MYCBP2: variants seen among roughly 807,000 people sequenced by gnomAD.
MYCBP2 encodes MYC binding protein 2.
A neutral mutation model predicts 525.3 loss-of-function variants in MYCBP2; 120 were observed. The ratio of observed to expected loss-of-function variants is 0.23; its 90% CI spans 0.20 to 0.27. The LOEUF (loss-of-function observed/expected upper bound fraction) is 0.27, where lower values mean the gene tolerates loss of function less well. MYCBP2 is among the 10% of genes least tolerant of loss of function. The pLI is 1.00. For missense variants in MYCBP2, 4,149 were observed against 5,657.1 expected (o/e 0.73, Z 8.55); for synonymous variants, 1,894 against 1,955.8 (o/e 0.97, Z 0.83).
At chr13:77,302,988 A>G (rs1326633793) in intron 1 of MYCBP2, among the ~76,000 whole-genome samples, 1 of 152,236 alleles carries the variant, frequency 6.6e-6, no homozygotes, top group Non-Finnish European at 1.5e-5. Flanking sequence ...ACCTCTCTGT[A>G]ACTGATAGAA....
At chr13:77,056,704 C>G (rs918628246) in intron 79 of MYCBP2, among the ~76,000 whole-genome samples, 1 of 152,144 alleles carries the variant, frequency 6.6e-6, no homozygotes, top group Admixed American at 6.6e-5. Context: ...CTCTAGTGGT[C>G]TGAGAGTAGA....
Position 77,206,703 on chromosome 13 carries a change from G to A in MYCBP2, c.3539C>T (p.Thr1180Ile), listed in dbSNP as rs781176533. The A allele has an allele frequency of 3.7e-6, 6 of 1,610,806 alleles. No individual in the cohort carries two copies. Among genetic ancestry groups the A allele is most frequent in the African/African-American group, 1.3e-5 (1 of 74,858 alleles). ...SILSPELALP[T>I]GSRALTTRSH... ...TCGGGTAGTGAGGGCCCTTGATCCT[G>A]TTGGTAAGGCAAGTTCAGGACTTAG... is the stretch of plus-strand genomic sequence containing the variant. The change falls in exon 24 of 83, where the codon ACA becomes ATA. Residue 1180 changes from threonine to isoleucine, a missense_variant. Coordinates refer to ENST00000544440, the MANE Select transcript of MYCBP2 (RefSeq NM_015057.5).
intron 8 of MYCBP2, 72 bp downstream of exon 8, chr13:77,267,769 T>C (rs1040170206): frequency 1.7e-6 from 2 of 1,152,846 alleles, no homozygotes; most frequent in South Asian, 1.3e-5. Context: ...TCATTCTTTA[T>C]GTGTCTAAAT....
intron 78 of MYCBP2, among the ~76,000 whole-genome samples, chr13:77,057,882 G>C (rs1352137365): frequency 7.2e-6 from 1 of 139,462 alleles, no homozygotes; most frequent in Non-Finnish European, 1.5e-5. Context: ...TCTGTCACCA[G>C]GCTGCAGTGC....
At chr13:77,083,966 A>G (rs1393081555) in intron 62 of MYCBP2, among the ~76,000 whole-genome samples, 3 of 152,160 alleles carry the variant, frequency 2.0e-5, no homozygotes, top group African/African-American at 7.2e-5. Flanking sequence ...GTGTTCTTTT[A>G]ACAATAATTT....
intron 26 of MYCBP2, among the ~76,000 whole-genome samples, chr13:77,199,695 G>C (rs1411253041): frequency 6.6e-6 from 1 of 152,198 alleles, no homozygotes. Flanking sequence ...CTGGAGATCT[G>C]AGAAAGGGCA....
rs111710729 is a variant in MYCBP2, at chr13:77,072,419, G to C, written c.11824-1708C>G. On this transcript the variant is annotated intron_variant, in intron 68 of 82. Transcript: ENST00000544440. Reference sequence around the variant, plus strand: ...TGAAATGCAGCTAATGTAGTGCTTAGAAGAAAATAATAGCATTAAATACTT... The same window carrying C: ...TGAAATGCAGCTAATGTAGTGCTTACAAGAAAATAATAGCATTAAATACTT... Among the ~76,000 whole-genome samples the C allele has an allele frequency of 2.0e-3, 310 of 151,784 alleles. 2 individuals are homozygous for C. The highest frequency in any genetic ancestry group is 5.5e-3 in the African/African-American group (226 of 41,446).
rs2051565300 is a variant in MYCBP2 at position 77,125,866 on chromosome 13, T to C, written c.7885-398A>G. On this transcript the variant is annotated intron_variant, in intron 53 of 82. Transcript: ENST00000544440. Reference sequence around the variant, plus strand: ...CTTACTGAGAAATAGCATGACACACTACATCTTCAAGCTTATCAGCTGAGG... The same window carrying C: ...CTTACTGAGAAATAGCATGACACACCACATCTTCAAGCTTATCAGCTGAGG... Among the ~76,000 whole-genome samples the C allele has an allele frequency of 3.3e-5, 5 of 152,280 alleles. No homozygotes were observed. The South Asian group carries it at 8.3e-4, about 25-fold the overall frequency.
At chr13:77,162,899 C>A (rs775482332) in intron 43 of MYCBP2, among the ~76,000 whole-genome samples, 2 of 152,146 alleles carry the variant, frequency 1.3e-5, no homozygotes, top group Admixed American at 1.3e-4. Flanking sequence ...TTGTGATCCA[C>A]CCACCTTGGC....
chr13:77,262,924 G>A (rs2073538813), intron 10 of MYCBP2, among the ~76,000 whole-genome samples: 1 of 151,916 alleles, frequency 6.6e-6, no homozygotes, highest in Non-Finnish European at 1.5e-5. Context: ...AAGCACTAAT[G>A]CCAAGTTTAT....
rs542481132 is a variant in MYCBP2 at position 77,209,595 on chromosome 13, A to C, written c.3416+1572T>G. ...CCCTCCATTCTATCCCACTGTGACC[A>C]TTCTAACTTTGGTTCTTAATACCTC... is the stretch of plus-strand genomic sequence containing the variant. On this transcript the variant is annotated intron_variant, in intron 23 of 82. Coordinates refer to ENST00000544440, the MANE Select transcript of MYCBP2 (RefSeq NM_015057.5). Among the ~76,000 whole-genome samples the C allele has an allele frequency of 9.2e-5, 14 of 152,246 alleles. No individual in the cohort carries two copies. The East Asian group carries it at 2.5e-3, about 27-fold the overall frequency.
At chr13:77,233,303 A>G (rs1429064182) in intron 17 of MYCBP2, 40 bp from the exon 18 acceptor site, 1 of 1,453,504 alleles carries the variant, frequency 6.9e-7, no homozygotes, top group Non-Finnish European at 9.6e-7. Context: ...AAAAACTCAC[A>G]AAATGAAAAC....
intron 31 of MYCBP2, 38 bp from the exon 32 acceptor site, chr13:77,185,415 A>T (rs764727139): frequency 1.1e-5 from 17 of 1,571,552 alleles, no homozygotes; most frequent in Non-Finnish European, 1.5e-5. Flanking sequence ...ATTAAGCAAA[A>T]TATTAAATAT....
intron 4 of MYCBP2, 135 bp from the exon 5 acceptor site, chr13:77,273,803 T>C: frequency 1.6e-6 from 1 of 611,622 alleles, no homozygotes; most frequent in Non-Finnish European, 2.4e-6. Context: ...TTTAGTTTCT[T>C]TCTAGTTACT....
intron 41 of MYCBP2, 62 bp from the exon 42 acceptor site, chr13:77,165,453 T>A (rs1453673197): frequency 1.1e-5 from 13 of 1,178,426 alleles, no homozygotes; most frequent in Admixed American, 2.2e-5. Context: ...TTTCCCTGTC[T>A]TTTATCCAAT....
chr13:77,225,386 T>C (rs746588480), intron 19 of MYCBP2, 49 bp downstream of exon 19: 1 of 1,608,064 alleles, frequency 6.2e-7, no homozygotes, highest in South Asian at 1.1e-5. Context: ...AATAAGTTAC[T>C]GAGCACAATT....
intron 2 of MYCBP2, among the ~76,000 whole-genome samples, chr13:77,293,568 A>C (rs1212487707): frequency 6.6e-6 from 1 of 152,220 alleles, no homozygotes; most frequent in Non-Finnish European, 1.5e-5. Flanking sequence ...ACATGGCAAA[A>C]GGGACTCTGT....
chr13:77,195,921 C>T lies in MYCBP2; in HGVS notation c.3844-1677G>A, dbSNP rs1196213870. Among the ~76,000 whole-genome samples, 4 of 152,326 alleles carry T rather than the reference C, an allele frequency of 2.6e-5. No homozygotes were observed. The East Asian group carries it at 5.8e-4, about 22-fold the overall frequency. ...TTAATAATTTGTCCCCAATCTGACT[C>T]CTGTATTTACATTCAACCAATATTT... On this transcript the variant is annotated intron_variant, in intron 26 of 82. Coordinates refer to ENST00000544440, the MANE Select transcript of MYCBP2 (RefSeq NM_015057.5).
chr13:77,111,064 C>T (rs1329405348), intron 55 of MYCBP2, among the ~76,000 whole-genome samples: 1 of 152,098 alleles, frequency 6.6e-6, no homozygotes, highest in Non-Finnish European at 1.5e-5. Flanking sequence ...ATGAGATATA[C>T]TACAGGTACA....
Sources: gnomAD v4.1 joint callset for allele counts (sites outside exome capture counted in the v4.1 genomes callset) on GRCh38, gnomAD v4.1.1 for gene constraint, MANE v1.5 for transcripts, NCBI Gene and HGNC (gene_info 2026-07-23, HGNC 2026-07-21) for gene names.